LCA5: variants seen among roughly 807,000 people sequenced by gnomAD.
The protein encoded by LCA5 is lebercilin.
Under a neutral mutation model 53.0 loss-of-function variants are expected in LCA5, and 37 were observed. That is an observed-to-expected ratio of 0.70 (90% CI 0.54 to 0.92). The LOEUF is 0.92. Among genes scored for constraint, LCA5 ranks in the 40% least tolerant of loss-of-function variants. The pLI, the probability that LCA5 is intolerant of heterozygous loss-of-function variation, is 0.00. For missense variants in LCA5, 806 were observed against 790.5 expected, an observed-to-expected ratio of 1.02 and a Z score of -0.23; for synonymous variants, 303 against 282.9, an observed-to-expected ratio of 1.07 and a Z score of -0.71.
At chr6:79,529,507 AAG>A in intron 1 of LCA5, among the ~76,000 whole-genome samples, 1 of 152,238 alleles carries the variant, frequency 6.6e-6, no homozygotes, top group Non-Finnish European at 1.5e-5. Flanking sequence ...ATCGAAATTT[AAG>A]AGAGGAAGGA....
At chr6:79,491,037 T>C (rs1769823217) in intron 6 of LCA5, among the ~76,000 whole-genome samples, 1 of 142,342 alleles carries the variant, frequency 7.0e-6, no homozygotes, top group South Asian at 2.2e-4. Flanking sequence ...AAAATTCTCC[T>C]ATATAGAGGA....
At chr6:79,506,578 C>T (rs1212146744) in intron 3 of LCA5, among the ~76,000 whole-genome samples, 1 of 152,060 alleles carries the variant, frequency 6.6e-6, no homozygotes, top group Non-Finnish European at 1.5e-5. Context: ...CTCTAGACCA[C>T]TAAGAAATGG....
chr6:79,493,351 CT>C (rs1769892434), intron 4 of LCA5, among the ~76,000 whole-genome samples: 2 of 152,092 alleles, frequency 1.3e-5, no homozygotes, highest in African/African-American at 4.8e-5. Context: ...CCATAATTTT[CT>C]TCTATGATTT....
Position 79,486,981 on chromosome 6 carries a change from G to GA in LCA5, c.*22dup, listed in dbSNP as rs767286706. ...TAAAATATTTCAATATTTACAATTA[G>GA]AAAAAATGTATACTCTAGTCAGTCA... On this transcript the variant is annotated 3_prime_UTR_variant, in exon 8 of 8. Coordinates refer to ENST00000369846, the MANE Select transcript of LCA5 (RefSeq NM_001122769.3). The GA allele has an allele frequency of 7.7e-4, 1,216 of 1,579,754 alleles. No homozygotes were observed. Among genetic ancestry groups the GA allele is most frequent in the Non-Finnish European group, 1.0e-3 (1,178 of 1,156,760 alleles).
intron 3 of LCA5, among the ~76,000 whole-genome samples, chr6:79,497,242 T>C (rs1397968289): frequency 1.3e-5 from 2 of 152,200 alleles, no homozygotes; most frequent in East Asian, 3.9e-4. Flanking sequence ...GATATTTACA[T>C]ATTCTTAAGG....
Position 79,513,644 on chromosome 6 carries a change from A to G in LCA5, c.288T>C (p.Asp96=), listed in dbSNP as rs1241493490. The change falls in exon 3 of 8, where the codon GAT becomes GAC. Residue 96 remains aspartate (D), a synonymous_variant. Coordinates refer to ENST00000369846, the MANE Select transcript of LCA5 (RefSeq NM_001122769.3). ...QSLNREPLRK[D]TDLVTKRILS... ...GAATCCGTTTTGTAACAAGATCAGT[A>G]TCTTTCCGAAGTGGCTCTCTATTGA... 1 of 1,613,800 alleles carries G rather than the reference A, an allele frequency of 6.2e-7. No homozygotes were observed. Among genetic ancestry groups the G allele is most frequent in the Non-Finnish European group, 8.5e-7 (1 of 1,179,860 alleles).
intron 3 of LCA5, among the ~76,000 whole-genome samples, chr6:79,494,638 A>G (rs1769931218): frequency 6.6e-6 from 1 of 152,204 alleles, no homozygotes; most frequent in African/African-American, 2.4e-5. Flanking sequence ...ATAATTTGAG[A>G]CTTTGATATA....
chr6:79,520,034 A>T (rs1266529478), intron 1 of LCA5, among the ~76,000 whole-genome samples: 3 of 152,116 alleles, frequency 2.0e-5, no homozygotes, highest in African/African-American at 7.2e-5. Flanking sequence ...GTTTTTTTGG[A>T]AAAACACTGG....
chr6:79,525,858 G>C (rs555023033), intron 1 of LCA5, among the ~76,000 whole-genome samples: 1 of 152,334 alleles, frequency 6.6e-6, no homozygotes, highest in Non-Finnish European at 1.5e-5. Context: ...CCAAGATAAC[G>C]GTGGACAGTG....
intron 3 of LCA5, among the ~76,000 whole-genome samples, chr6:79,510,344 C>T (rs1276325087): frequency 1.3e-5 from 2 of 152,148 alleles, no homozygotes; most frequent in African/African-American, 4.8e-5. Context: ...ACATTCTATA[C>T]AAAAATTAAC....
chr6:79,509,204 CA>C (rs1461843179), intron 3 of LCA5, among the ~76,000 whole-genome samples: 1 of 152,080 alleles, frequency 6.6e-6, no homozygotes, highest in Non-Finnish European at 1.5e-5. Flanking sequence ...CCTGTAATCC[CA>C]GTACTTTGGG....
At chr6:79,521,997 A>G (rs1262490672) in intron 1 of LCA5, among the ~76,000 whole-genome samples, 2 of 152,176 alleles carry the variant, frequency 1.3e-5, no homozygotes, top group Non-Finnish European at 2.9e-5. Flanking sequence ...TAAACATATC[A>G]AAAGTGTTTA....
intron 7 of LCA5, chr6:79,488,644 T>A (rs1012026146): frequency 9.5e-6 from 2 of 209,692 alleles, no homozygotes; most frequent in African/African-American, 4.6e-5. Flanking sequence ...TTTGGGGAAA[T>A]ATACATACAA....
In LCA5 at chr6:79,489,116, A is replaced by G; in HGVS notation, c.1199T>C (p.Val400Ala). The change falls in exon 7 of 8, where the codon GTC becomes GCC. Residue 400 changes from valine to alanine, a missense_variant. Transcript: ENST00000369846. ...EKFVTDEELH[V>A]VKQEVEKLED... ...CAGCTTTTCAACCTCCTGTTTTACG[A>G]CATGGAGTTCTTCATCTGTAACAAA... The G allele has an allele frequency of 6.2e-7, 1 of 1,613,306 alleles. No individual in the cohort carries two copies. The highest frequency in any genetic ancestry group is 8.5e-7 in the Non-Finnish European group (1 of 1,179,748).
chr6:79,486,797 T>A lies in LCA5; in HGVS notation c.*207A>T. 2.1e-6 allele frequency: 1 copy of A among 470,094 alleles called. No homozygotes were observed. Among genetic ancestry groups the A allele is most frequent in the Non-Finnish European group, 3.7e-6 (1 of 271,006 alleles). 29.1% of individuals were successfully genotyped at this position (470,094 alleles called of 1,614,324 possible). On this transcript the variant is annotated 3_prime_UTR_variant, in exon 8 of 8. Transcript: ENST00000369846. ...TTCAAGACATATTTTTATTTTTGGT[T>A]TCATTCAAAAAAGCCTCCTTCATTC...
chr6:79,511,332 T>C (rs544140052), intron 3 of LCA5, among the ~76,000 whole-genome samples: 25 of 152,266 alleles, frequency 1.6e-4, no homozygotes, highest in Non-Finnish European at 1.3e-4. Context: ...TATGCAACCA[T>C]TTGAGTGAAT....
intron 1 of LCA5, among the ~76,000 whole-genome samples, chr6:79,530,723 T>TA (rs1483956969): frequency 6.6e-6 from 1 of 151,932 alleles, no homozygotes; most frequent in Non-Finnish European, 1.5e-5. Context: ...AATGGAAACT[T>TA]AGACACTTGT....
chr6:79,523,779 T>A (rs1337587247), intron 1 of LCA5, among the ~76,000 whole-genome samples: 1 of 152,146 alleles, frequency 6.6e-6, no homozygotes, highest in Non-Finnish European at 1.5e-5. Context: ...ATACACACAG[T>A]GTTCTCTCCC....
intron 1 of LCA5, among the ~76,000 whole-genome samples, chr6:79,535,833 C>T (rs1767099600): frequency 6.6e-6 from 1 of 152,070 alleles, no homozygotes; most frequent in Non-Finnish European, 1.5e-5. Context: ...AGACTGAAGA[C>T]TGGATTATTG....
Sources: allele counts gnomAD v4.1 joint callset (sites outside exome capture counted in the v4.1 genomes callset), GRCh38; gene constraint gnomAD v4.1.1; transcripts MANE v1.5; gene names NCBI Gene and HGNC (gene_info 2026-07-23, HGNC 2026-07-21).